Variants in ADARB2 observed in about 807,000 individuals in gnomAD.
ADARB2 encodes the protein inactive double-stranded RNA-specific editase B2.
ADARB2 carries 25 observed loss-of-function variants against 62.2 expected under a neutral mutation model. The ratio of observed to expected loss-of-function variants is 0.40; its 90% confidence interval spans 0.29 to 0.56. The LOEUF is 0.56. Ranked by LOEUF, ADARB2 falls within the 20% of genes least tolerant of loss-of-function variation. The pLI is 0.43. For synonymous variants in ADARB2, 572 were observed against 500.8 expected (o/e 1.14, Z -1.90); for missense variants, 1,071 against 1,077.4 (o/e 0.99, Z 0.08).
intron 3 of ADARB2, among the ~76,000 whole-genome samples, chr10:1,283,346 G>A (rs1831385953): frequency 6.6e-6 from 1 of 152,214 alleles, no homozygotes; most frequent in Admixed American, 6.5e-5. Flanking sequence ...TTAGGTGCAT[G>A]TTTTCAATTA....
At chr10:1,594,991 A>T (rs928900039) in intron 1 of ADARB2, among the ~76,000 whole-genome samples, 3 of 152,106 alleles carry the variant, frequency 2.0e-5, no homozygotes, top group African/African-American at 7.2e-5. Context: ...GGATCTGAGG[A>T]AGTGCAGGAA....
At chr10:1,308,368 G>A (rs1394942376) in intron 3 of ADARB2, among the ~76,000 whole-genome samples, 1 of 152,162 alleles carries the variant, frequency 6.6e-6, no homozygotes, top group African/African-American at 2.4e-5. Flanking sequence ...TCCATTTTCT[G>A]GATGGATGAG....
At chr10:1,549,583 G>A (rs1247154568) in intron 1 of ADARB2, among the ~76,000 whole-genome samples, 2 of 151,980 alleles carry the variant, frequency 1.3e-5, no homozygotes, top group East Asian at 1.9e-4. Flanking sequence ...CCCACGCATG[G>A]TCAAACAGTT....
intron 1 of ADARB2, among the ~76,000 whole-genome samples, chr10:1,486,884 A>G (rs762704427): frequency 2.6e-5 from 4 of 152,222 alleles, no homozygotes; most frequent in Admixed American, 2.0e-4. Flanking sequence ...ACTGGAATTG[A>G]GATAGATGAA....
chr10:1,642,801 T>G (rs116020187), intron 1 of ADARB2, among the ~76,000 whole-genome samples: 2,385 of 151,972 alleles, frequency 0.016, 60 homozygotes, highest in African/African-American at 0.05. Flanking sequence ...ACACTCAGTA[T>G]TCAGACACAC....
At chr10:1,471,705 TG>T (rs1831324912) in intron 1 of ADARB2, among the ~76,000 whole-genome samples, 1 of 152,262 alleles carries the variant, frequency 6.6e-6, no homozygotes, top group Non-Finnish European at 1.5e-5. Context: ...TATAATTTCT[TG>T]TTAAACTTTA....
intron 1 of ADARB2, among the ~76,000 whole-genome samples, chr10:1,581,312 A>G (rs1833094429): frequency 6.6e-6 from 1 of 152,232 alleles, no homozygotes; most frequent in Non-Finnish European, 1.5e-5. Context: ...ACCTGGAAGC[A>G]TACACCCAGT....
At chr10:1,433,088 C>T (rs936469891) in intron 1 of ADARB2, among the ~76,000 whole-genome samples, 3 of 152,174 alleles carry the variant, frequency 2.0e-5, no homozygotes, top group Non-Finnish European at 4.4e-5. Flanking sequence ...GCCATGTCAA[C>T]TCCGATGTAA....
chr10:1,579,612 T>G (rs1170828494), intron 1 of ADARB2, among the ~76,000 whole-genome samples: 1 of 152,196 alleles, frequency 6.6e-6, no homozygotes, highest in Non-Finnish European at 1.5e-5. Flanking sequence ...GCATCTCACT[T>G]TTCTAAGTGA....
intron 1 of ADARB2, among the ~76,000 whole-genome samples, chr10:1,471,987 C>T (rs1831328213): frequency 6.6e-6 from 1 of 152,172 alleles, no homozygotes; most frequent in East Asian, 1.9e-4. Context: ...ACTACTTACA[C>T]ATCAAGTTTA....
At chr10:1,353,867 A>G (rs764537412) in intron 3 of ADARB2, among the ~76,000 whole-genome samples, 25 of 152,066 alleles carry the variant, frequency 1.6e-4, no homozygotes, top group Admixed American at 5.2e-4. Flanking sequence ...ATTTCACTCC[A>G]TCCTTGGCTA....
rs114432325 is a variant in ADARB2 at position 1,669,563 on chromosome 10, C to T, written c.100+67488G>A. Among the ~76,000 whole-genome samples the T allele has an allele frequency of 5.2e-3, 797 of 151,918 alleles. 8 individuals are homozygous for T. The highest frequency in any genetic ancestry group is 0.051 in the Middle Eastern group (15 of 294). On this transcript the variant is annotated intron_variant, in intron 1 of 9. Coordinates refer to ENST00000381312, the MANE Select transcript of ADARB2 (RefSeq NM_018702.4). ...ACAGGCACACTCAGAGAGACACACA[C>T]AGACACAAACACACAGACTCACTCA...
chr10:1,390,623 T>C (rs1168687330), intron 1 of ADARB2, among the ~76,000 whole-genome samples: 1 of 152,242 alleles, frequency 6.6e-6, no homozygotes, highest in Admixed American at 6.5e-5. Flanking sequence ...TGCCTCTACT[T>C]ATCGGACTTT....
rs190238352 is a variant in ADARB2, at chr10:1,526,652, T to A, written c.101-147492A>T. 891 of 242,912 alleles carry A rather than the reference T, an allele frequency of 3.7e-3. 1 individual carries two copies. The highest frequency in any genetic ancestry group is 6.2e-3 in the Non-Finnish European group (699 of 112,556). The allele number at this position is 242,912 out of a possible 1,614,324, so 15.0% of individuals were successfully genotyped here. A position where few individuals can be genotyped will look rare whatever the true frequency, so the allele number is the denominator to read the frequency against. ...TTCCTGGGGCCTCACCAGATGCAGA[T>A]GCTGGTGCCACGCTTCCTGTACAGC... On this transcript the variant is annotated intron_variant, in intron 1 of 9. Transcript: ENST00000381312.
chr10:1,530,508 G>A (rs1263112813), intron 1 of ADARB2, among the ~76,000 whole-genome samples: 1 of 152,176 alleles, frequency 6.6e-6, no homozygotes, highest in Non-Finnish European at 1.5e-5. Context: ...AGGGTCACGT[G>A]GCCTCTGTGG....
At chr10:1,591,328 C>G (rs72764998) in intron 1 of ADARB2, among the ~76,000 whole-genome samples, 1,540 of 152,308 alleles carry the variant, frequency 0.01, 14 homozygotes, top group Non-Finnish European at 0.013. Context: ...TTCCTTCTTT[C>G]CTCCCTCTCA....
intron 1 of ADARB2, among the ~76,000 whole-genome samples, chr10:1,502,673 G>A (rs886515614): frequency 1.3e-5 from 2 of 152,214 alleles, no homozygotes; most frequent in Admixed American, 1.3e-4. Context: ...TGTCACTCGG[G>A]TGCATGAGCT....
intron 1 of ADARB2, among the ~76,000 whole-genome samples, chr10:1,554,959 G>A (rs79610488): frequency 0.012 from 1,843 of 152,108 alleles, 30 homozygotes; most frequent in African/African-American, 0.036. Context: ...TCCCACTTAC[G>A]GATCAGAACA....
At chr10:1,700,148 CGGG>C (rs1834803071) in intron 1 of ADARB2, among the ~76,000 whole-genome samples, 1 of 10,992 alleles carries the variant, frequency 9.1e-5, no homozygotes, top group African/African-American at 2.1e-4. Context: ...CCCACTCCAC[CGGG>C]AGACCAGGCA....
Sources: gnomAD v4.1 joint callset for allele counts (sites outside exome capture counted in the v4.1 genomes callset) on GRCh38, gnomAD v4.1.1 for gene constraint, MANE v1.5 for transcripts, NCBI Gene and HGNC (gene_info 2026-07-23, HGNC 2026-07-21) for gene names.